Variants in ZFAND3 observed in about 807,000 individuals in gnomAD.
ZFAND3 encodes the protein AN1-type zinc finger protein 3.
A neutral mutation model predicts 29.6 loss-of-function variants in ZFAND3; 10 were observed. That is an observed-to-expected ratio of 0.34 (90% CI 0.21 to 0.57). The LOEUF is 0.57. Among genes scored for constraint, ZFAND3 ranks in the 20% least tolerant of loss-of-function variants. The probability of loss-of-function intolerance (pLI) is 0.86; values close to 1 mark genes in which losing one functional copy is unlikely to be tolerated. For missense variants in ZFAND3, 230 were observed against 304.5 expected (o/e 0.76, Z 1.82); for synonymous variants, 128 against 112.6 (o/e 1.14, Z -0.87).
At chr6:37,834,643 A>G (rs1421487340) in intron 1 of ZFAND3, among the ~76,000 whole-genome samples, 1 of 152,124 alleles carries the variant, frequency 6.6e-6, no homozygotes. Context: ...GTTGCTCCAT[A>G]TCCTTGTCAG....
chr6:37,929,847 C>G, intron 1 of ZFAND3, 112 bp from the exon 2 acceptor site: 3 of 917,806 alleles, frequency 3.3e-6, no homozygotes, highest in Non-Finnish European at 4.6e-6. Context: ...TTTATTAGTT[C>G]AGTTGCCTGA....
At chr6:37,938,731 A>G (rs1394353191) in intron 2 of ZFAND3, among the ~76,000 whole-genome samples, 2 of 152,214 alleles carry the variant, frequency 1.3e-5, no homozygotes, top group African/African-American at 4.8e-5. Context: ...TTATTATGCT[A>G]GTCAAGATAC....
chr6:37,829,026 T>C (rs1252309526), intron 1 of ZFAND3, among the ~76,000 whole-genome samples: 1 of 152,226 alleles, frequency 6.6e-6, no homozygotes, highest in Admixed American at 6.5e-5. Flanking sequence ...TATGTGTTCG[T>C]GTGTGAAACT....
intron 1 of ZFAND3, among the ~76,000 whole-genome samples, chr6:37,855,145 A>ATT (rs1181032862): frequency 7.5e-5 from 10 of 133,018 alleles, no homozygotes; most frequent in Non-Finnish European, 9.8e-5. Flanking sequence ...TGGCAATTTA[A>ATT]TTTTTTTTTT....
chr6:37,910,292 A>G (rs1270340801), intron 1 of ZFAND3, among the ~76,000 whole-genome samples: 1 of 151,894 alleles, frequency 6.6e-6, no homozygotes, highest in Non-Finnish European at 1.5e-5. Context: ...TCAAACACAT[A>G]CTAGTTTAAA....
intron 2 of ZFAND3, among the ~76,000 whole-genome samples, chr6:37,966,981 A>T (rs938666743): frequency 6.6e-6 from 1 of 152,152 alleles, no homozygotes; most frequent in Non-Finnish European, 1.5e-5. Flanking sequence ...TTGCAGGAAT[A>T]TCATGTAAAT....
chr6:38,139,408 A>G (rs1359394229), intron 5 of ZFAND3, among the ~76,000 whole-genome samples: 2 of 152,194 alleles, frequency 1.3e-5, no homozygotes, highest in African/African-American at 4.8e-5. Flanking sequence ...ATGACGCTAA[A>G]TTAAAATTGT....
chr6:38,071,065 T>TATA (rs1764444092), intron 3 of ZFAND3, among the ~76,000 whole-genome samples: 3 of 148,722 alleles, frequency 2.0e-5, no homozygotes, highest in Admixed American at 6.7e-5. Flanking sequence ...AGGAATTCTT[T>TATA]TATATATATA....
chr6:38,045,712 T>C (rs1399236095), intron 2 of ZFAND3, among the ~76,000 whole-genome samples: 1 of 152,194 alleles, frequency 6.6e-6, no homozygotes, highest in East Asian at 1.9e-4. Context: ...GTAAAAAATA[T>C]CATATATAGA....
intron 5 of ZFAND3, among the ~76,000 whole-genome samples, chr6:38,144,658 T>C (rs1258245799): frequency 6.6e-6 from 1 of 152,194 alleles, no homozygotes; most frequent in African/African-American, 2.4e-5. Flanking sequence ...CTTTTGACAA[T>C]TTAAAATTTA....
At chr6:38,065,614 G>A (rs1764331416) in intron 3 of ZFAND3, among the ~76,000 whole-genome samples, 5 of 152,194 alleles carry the variant, frequency 3.3e-5, no homozygotes. Flanking sequence ...TTTTACAGAT[G>A]AGGACATTAA....
chr6:37,851,058 T>C (rs1764271029), intron 1 of ZFAND3, among the ~76,000 whole-genome samples: 1 of 150,474 alleles, frequency 6.6e-6, no homozygotes, highest in Admixed American at 6.6e-5. Flanking sequence ...TTTTTTTTTT[T>C]CTTTTTTGAG....
intron 2 of ZFAND3, among the ~76,000 whole-genome samples, chr6:37,936,568 GACTA>G (rs1434798571): frequency 4.8e-4 from 73 of 152,226 alleles, no homozygotes; most frequent in African/African-American, 1.6e-3. Context: ...TTTCATTTAA[GACTA>G]ACTTTTAAGA....
intron 2 of ZFAND3, among the ~76,000 whole-genome samples, chr6:38,038,877 G>A (rs1459823679): frequency 2.6e-5 from 4 of 152,210 alleles, no homozygotes; most frequent in Non-Finnish European, 5.9e-5. Flanking sequence ...TCTCTCAGAA[G>A]CTGTTGGATC....
In ZFAND3 at chr6:38,154,327, G is replaced by C. The variant is rs551717356; in HGVS notation, c.*1938G>C. On this transcript the variant is annotated 3_prime_UTR_variant, in exon 6 of 6. Transcript: ENST00000287218. The stretch of plus-strand genomic sequence containing the variant: ...CAGCCATGGGAAGGAGCCCAGGGGA[G>C]CTGGCCTGGGGGAGCGAAGCCCATG... 9.8e-5 allele frequency: 96 copies of C among 983,924 alleles called. 1 individual carries two copies. In the African/African-American group the frequency reaches 1.4e-3, roughly 14 times the overall value. The allele number at this position is 983,924 out of a possible 1,614,324, so 60.9% of individuals were successfully genotyped here. A position where few individuals can be genotyped will look rare whatever the true frequency, so the allele number is the denominator to read the frequency against.
At chr6:38,087,735 T>G (rs183199759) in intron 4 of ZFAND3, among the ~76,000 whole-genome samples, 69 of 152,342 alleles carry the variant, frequency 4.5e-4, no homozygotes, top group African/African-American at 1.5e-3. Context: ...TTGTACACTG[T>G]TGGTGGGAAT....
At position 38,137,089 on chromosome 6, in the gene ZFAND3, C is replaced by T. The variant is rs145154849; in HGVS notation, c.530-15146C>T. On this transcript the variant is annotated intron_variant, in intron 5 of 5. Coordinates refer to ENST00000287218, the MANE Select transcript of ZFAND3 (RefSeq NM_021943.3). ...ATTCAATTCTGTGTTGTCTGTACTCCGCTTGTTTGTAATTATGAGCAACAG... is the reference window on the plus strand; with the variant it reads ...ATTCAATTCTGTGTTGTCTGTACTCTGCTTGTTTGTAATTATGAGCAACAG... Among the ~76,000 whole-genome samples, 557 of 152,238 alleles carry T rather than the reference C, an allele frequency of 3.7e-3. 2 individuals carry two copies. Among genetic ancestry groups the T allele is most frequent in the South Asian group, 9.7e-3 (47 of 4,824 alleles).
At chr6:37,919,004 A>AGT (rs1761322260) in intron 1 of ZFAND3, among the ~76,000 whole-genome samples, 1 of 126,442 alleles carries the variant, frequency 7.9e-6, no homozygotes, top group Non-Finnish European at 1.6e-5. Context: ...CCCAGGCTGG[A>AGT]GTGCAGTGGC....
chr6:38,023,938 G>A (rs1763398836), intron 2 of ZFAND3, among the ~76,000 whole-genome samples: 1 of 152,074 alleles, frequency 6.6e-6, no homozygotes, highest in African/African-American at 2.4e-5. Context: ...AGGCTTGGTT[G>A]AGCCCAGGAG....
Sources: gnomAD v4.1 joint callset for allele counts (sites outside exome capture counted in the v4.1 genomes callset) on GRCh38, gnomAD v4.1.1 for gene constraint, MANE v1.5 for transcripts, NCBI Gene and HGNC (gene_info 2026-07-23, HGNC 2026-07-21) for gene names.